The following NELL1 variants were observed in gnomAD, a reference collection of about 807,000 sequenced individuals.
NELL1 encodes the protein neural EGFL like 1.
In NELL1, 76 loss-of-function variants were observed where a neutral mutation model predicts 107.4. The observed-to-expected ratio is 0.71, with a 90% CI of 0.59 to 0.86. The LOEUF is 0.86. Ranked by LOEUF, NELL1 falls within the 40% of genes least tolerant of loss-of-function variation. The pLI is 0.00. For synonymous variants in NELL1, 353 were observed against 341.2 expected (o/e 1.03, Z -0.38); for missense variants, 1,024 against 1,005.5 (o/e 1.02, Z -0.25).
intron 4 of NELL1, among the ~76,000 whole-genome samples, chr11:20,855,590 A>T (rs750226820): frequency 7.2e-5 from 11 of 152,244 alleles, no homozygotes; most frequent in Non-Finnish European, 1.5e-4. Context: ...GAGGGGGAAA[A>T]TAGGCTGCAA....
chr11:21,389,016 A>G (rs1851809525), intron 15 of NELL1, among the ~76,000 whole-genome samples: 1 of 151,740 alleles, frequency 6.6e-6, no homozygotes, highest in South Asian at 2.1e-4. Context: ...CTACACTCGT[A>G]TTTTCATGTT....
At chr11:20,743,150 C>T (rs929335258) in intron 2 of NELL1, among the ~76,000 whole-genome samples, 13 of 151,870 alleles carry the variant, frequency 8.6e-5, no homozygotes, top group African/African-American at 1.2e-4. Flanking sequence ...GTCAGGAGTT[C>T]GAGATCAGCC....
At chr11:21,404,217 G>A (rs10833525) in intron 15 of NELL1, among the ~76,000 whole-genome samples, 28,279 of 151,666 alleles carry the variant, frequency 0.19, 3,516 homozygotes, top group African/African-American at 0.35. Context: ...CAATATCTCA[G>A]TACATTCATT....
chr11:21,385,516 G>A (rs1012989391), intron 15 of NELL1, among the ~76,000 whole-genome samples: 3 of 151,636 alleles, frequency 2.0e-5, no homozygotes, highest in Non-Finnish European at 4.4e-5. Flanking sequence ...TCACTACAGT[G>A]CATCTTTTTT....
intron 15 of NELL1, among the ~76,000 whole-genome samples, chr11:21,434,840 C>G (rs1333201546): frequency 1.3e-5 from 2 of 151,516 alleles, no homozygotes; most frequent in Admixed American, 6.6e-5. Context: ...TTTTTGTGTC[C>G]TCTTCAATTT....
chr11:21,051,363 A>G (rs1417824398), intron 12 of NELL1, among the ~76,000 whole-genome samples: 1 of 152,100 alleles, frequency 6.6e-6, no homozygotes, highest in Non-Finnish European at 1.5e-5. Flanking sequence ...GAAGTATACA[A>G]TGGACTTTTG....
chr11:21,200,059 G>T (rs1026088029), intron 13 of NELL1, among the ~76,000 whole-genome samples: 1 of 152,074 alleles, frequency 6.6e-6, no homozygotes, highest in African/African-American at 2.4e-5. Context: ...TGGGCATTTG[G>T]GTTGGTTCCA....
intron 3 of NELL1, among the ~76,000 whole-genome samples, chr11:20,800,175 G>A (rs78686742): frequency 0.019 from 2,948 of 152,290 alleles, 98 homozygotes; most frequent in African/African-American, 0.067. Context: ...ACATACTAGT[G>A]TATGTGTCCT....
chr11:21,065,803 G>A (rs1853853060), intron 12 of NELL1, among the ~76,000 whole-genome samples: 1 of 152,144 alleles, frequency 6.6e-6, no homozygotes, highest in African/African-American at 2.4e-5. Context: ...TAAATGTTCT[G>A]ATATTGTATG....
intron 15 of NELL1, among the ~76,000 whole-genome samples, chr11:21,519,710 A>G (rs1289207204): frequency 6.6e-6 from 1 of 152,048 alleles, no homozygotes; most frequent in Non-Finnish European, 1.5e-5. Flanking sequence ...GGGAATGTAC[A>G]GCCGCTACCA....
chr11:20,677,401 A>G (rs1455957191), intron 1 of NELL1, among the ~76,000 whole-genome samples: 1 of 152,170 alleles, frequency 6.6e-6, no homozygotes, highest in Non-Finnish European at 1.5e-5. Context: ...CCACCTCTAT[A>G]AAGCTTGGAA....
At chr11:20,706,007 C>T (rs1017843663) in intron 2 of NELL1, among the ~76,000 whole-genome samples, 3 of 152,136 alleles carry the variant, frequency 2.0e-5, no homozygotes, top group African/African-American at 7.2e-5. Flanking sequence ...ATTAAAAAGT[C>T]AAGAAACAAC....
chr11:21,388,554 C>G (rs541792877), intron 15 of NELL1, among the ~76,000 whole-genome samples: 2 of 151,822 alleles, frequency 1.3e-5, no homozygotes, highest in South Asian at 4.2e-4. Context: ...AAAACAGTGT[C>G]AAGTAAGTTT....
chr11:20,711,482 A>G (rs1232429223), intron 2 of NELL1, among the ~76,000 whole-genome samples: 3 of 151,720 alleles, frequency 2.0e-5, no homozygotes, highest in African/African-American at 7.3e-5. Flanking sequence ...GTCCTGTGAG[A>G]TTTATGTTTC....
At chr11:21,002,817 T>G (rs970930240) in intron 12 of NELL1, among the ~76,000 whole-genome samples, 5 of 152,298 alleles carry the variant, frequency 3.3e-5, no homozygotes, top group African/African-American at 9.6e-5. Context: ...GTTGTCACAC[T>G]CTGTCTCCTG....
At chr11:21,131,599 A>G (rs938594) in intron 13 of NELL1, among the ~76,000 whole-genome samples, 108,180 of 152,082 alleles carry the variant, frequency 0.71, 38,662 homozygotes, top group African/African-American at 0.75. Flanking sequence ...GCTTGCTACA[A>G]TGATATGTAC....
chr11:21,575,515 ATATG>A lies in NELL1; in HGVS notation c.*500_*503del, dbSNP rs775989558. On this transcript the variant is annotated 3_prime_UTR_variant, in exon 20 of 20. Transcript: ENST00000357134. ...ATCCCTGTAAAATGTTTTGATGAAA[ATATG>A]TATGTAGAGTCCAGTCGCATTATAC... The A allele has an allele frequency of 6.4e-6, 1 of 157,134 alleles. No homozygotes were observed. Among genetic ancestry groups the A allele is most frequent in the Non-Finnish European group, 1.4e-5 (1 of 71,066 alleles). The allele number at this position is 157,134 out of a possible 1,614,324, so 9.7% of individuals were successfully genotyped here.
rs140943342 is a variant in NELL1, at chr11:21,126,473, G to A, written c.1426+12759G>A. Among the ~76,000 whole-genome samples the A allele has an allele frequency of 3.6e-3, 546 of 152,258 alleles. 2 individuals are homozygous for A. The highest frequency in any genetic ancestry group is 0.012 in the African/African-American group (500 of 41,542). ...GACCAAGTGAACCCATATTTAACCC[G>A]CAGCTCTGCCTCTTACAAGCTTTGG... On this transcript the variant is annotated intron_variant, in intron 13 of 19. Coordinates refer to ENST00000357134, the MANE Select transcript of NELL1 (RefSeq NM_006157.5).
rs1169651844 is a variant in NELL1, at chr11:21,021,076, T to G, written c.1300+60516T>G. Among the ~76,000 whole-genome samples the G allele has an allele frequency of 4.0e-5, 6 of 151,408 alleles. No homozygotes were observed. In the East Asian group the frequency reaches 1.2e-3, roughly 30 times the overall value. On this transcript the variant is annotated intron_variant, in intron 12 of 19. Transcript: ENST00000357134. ...AGTTAAAATCTCTTTACTGTAGTTT[T>G]TAGACTTTCACAACTACCAAATGTT...
Sources: gnomAD v4.1 joint callset for allele counts (sites outside exome capture counted in the v4.1 genomes callset) on GRCh38, gnomAD v4.1.1 for gene constraint, MANE v1.5 for transcripts, NCBI Gene and HGNC (gene_info 2026-07-23, HGNC 2026-07-21) for gene names.